ELP4: variants seen among roughly 807,000 people sequenced by gnomAD.
ELP4 encodes the protein elongator acetyltransferase complex subunit 4, also known as elongator complex protein 4.
ELP4 carries 51 observed loss-of-function variants against 48.9 expected under a neutral mutation model. The ratio of observed to expected loss-of-function variants is 1.04; its 90% confidence interval spans 0.83 to 1.32. ELP4 has a LOEUF of 1.32. Ranked by LOEUF, ELP4 falls within the 40% of genes most tolerant of loss-of-function variation. The pLI is 0.00. For missense variants in ELP4, 519 were observed against 514.6 expected (o/e 1.01, Z -0.08); for synonymous variants, 210 against 189.2 (o/e 1.11, Z -0.90).
chr11:31,559,720 A>G (rs1956984212), intron 3 of ELP4, among the ~76,000 whole-genome samples: 2 of 152,128 alleles, frequency 1.3e-5, no homozygotes, highest in Admixed American at 6.5e-5. Context: ...CCTGACCAAC[A>G]TGGAGAAACC....
chr11:31,517,769 A>G (rs1490089486), intron 1 of ELP4, among the ~76,000 whole-genome samples: 1 of 151,946 alleles, frequency 6.6e-6, no homozygotes, highest in African/African-American at 2.4e-5. Flanking sequence ...GGCGGCAGCC[A>G]CCGCGCCCAG....
At chr11:31,636,399 A>G (rs1224829046) in intron 7 of ELP4, among the ~76,000 whole-genome samples, 1 of 151,954 alleles carries the variant, frequency 6.6e-6, no homozygotes, top group East Asian at 1.9e-4. Context: ...TATTAAAGGT[A>G]CTTTGTATAA....
chr11:31,671,098 T>C (rs1161315390), intron 9 of ELP4, among the ~76,000 whole-genome samples: 1 of 152,190 alleles, frequency 6.6e-6, no homozygotes, highest in Non-Finnish European at 1.5e-5. Context: ...ATAGTGCTTA[T>C]AATTAAAGAT....
intron 9 of ELP4, among the ~76,000 whole-genome samples, chr11:31,757,736 T>C (rs537538092): frequency 6.6e-6 from 1 of 152,278 alleles, no homozygotes; most frequent in East Asian, 1.9e-4. Flanking sequence ...CTGGGCCTGA[T>C]AGGACTCATT....
chr11:31,606,169 C>A (rs1272519544), intron 5 of ELP4, among the ~76,000 whole-genome samples: 3 of 151,960 alleles, frequency 2.0e-5, no homozygotes, highest in Admixed American at 6.6e-5. Flanking sequence ...ACTGATAATT[C>A]ATTTATTTCA....
intron 9 of ELP4, among the ~76,000 whole-genome samples, chr11:31,682,562 C>A (rs1946075842): frequency 6.6e-6 from 1 of 152,124 alleles, no homozygotes; most frequent in Non-Finnish European, 1.5e-5. Context: ...TCAGTTCCCT[C>A]ATTTTTGTAC....
At chr11:31,594,575 G>C (rs927082964) in intron 3 of ELP4, among the ~76,000 whole-genome samples, 195 bp from the exon 4 acceptor site, 1 of 152,036 alleles carries the variant, frequency 6.6e-6, no homozygotes, top group Non-Finnish European at 1.5e-5. Flanking sequence ...TTGCTAAAAA[G>C]TTAAACTTAA....
chr11:31,552,646 C>T (rs1429506170), intron 3 of ELP4, among the ~76,000 whole-genome samples: 1 of 152,078 alleles, frequency 6.6e-6, no homozygotes, highest in Non-Finnish European at 1.5e-5. Flanking sequence ...CTACTTTGAA[C>T]ATAAATTGTT....
At chr11:31,689,415 TC>T (rs2134135841) in intron 9 of ELP4, 1 of 139,844 alleles carries the variant, frequency 7.2e-6, no homozygotes, top group Non-Finnish European at 1.5e-5. Flanking sequence ...CTGCACTTCA[TC>T]CTGGGCCACA....
intron 9 of ELP4, among the ~76,000 whole-genome samples, chr11:31,690,458 G>A (rs534064450): frequency 6.6e-6 from 1 of 151,796 alleles, no homozygotes; most frequent in South Asian, 2.1e-4. Flanking sequence ...CTGCAATATT[G>A]TGATGGATTA....
rs3026401 is a variant in ELP4, at chr11:31,785,976, C to T, written c.*2452C>T. ...ATGAACTTCAAAACCCTATATGGTA[C>T]TCATTTCTTACACTAGATTTGCCTT... is the stretch of plus-strand genomic sequence containing the variant. On this transcript the variant is annotated 3_prime_UTR_variant, in exon 10 of 10. Coordinates refer to ENST00000640961, the MANE Select transcript of ELP4 (RefSeq NM_019040.5). 0.71 allele frequency: 142,117 copies of T among 200,448 alleles called. 51,413 individuals are homozygous for T. Among genetic ancestry groups the T allele is most frequent in the Non-Finnish European group, 0.79 (76,885 of 97,270 alleles). The allele number at this position is 200,448 out of a possible 1,614,324, so 12.4% of individuals were successfully genotyped here.
At chr11:31,691,654 G>C (rs1946284351) in intron 9 of ELP4, among the ~76,000 whole-genome samples, 1 of 152,044 alleles carries the variant, frequency 6.6e-6, no homozygotes, top group Admixed American at 6.6e-5. Flanking sequence ...TTACCAAATA[G>C]AATGGTACAT....
At chr11:31,671,006 G>A (rs1265006012) in intron 9 of ELP4, among the ~76,000 whole-genome samples, 2 of 151,906 alleles carry the variant, frequency 1.3e-5, no homozygotes, top group Non-Finnish European at 2.9e-5. Flanking sequence ...GTGTAATGCT[G>A]TAATAACATC....
At chr11:31,746,303 G>C (rs1947589140) in intron 9 of ELP4, among the ~76,000 whole-genome samples, 1 of 152,178 alleles carries the variant, frequency 6.6e-6, no homozygotes, top group East Asian at 1.9e-4. Flanking sequence ...CTGTAAACTA[G>C]TTCAACCATT....
chr11:31,732,962 C>T (rs1440346483), intron 9 of ELP4, among the ~76,000 whole-genome samples: 1 of 152,034 alleles, frequency 6.6e-6, no homozygotes, highest in African/African-American at 2.4e-5. Flanking sequence ...TGCAGCAAGA[C>T]AATAATAGTA....
chr11:31,722,003 G>A (rs1414554450), intron 9 of ELP4, among the ~76,000 whole-genome samples: 1 of 152,074 alleles, frequency 6.6e-6, no homozygotes, highest in Non-Finnish European at 1.5e-5. Context: ...CTAATACACA[G>A]CCCTGTGGCC....
chr11:31,515,772 C>G (rs1032824713), intron 1 of ELP4, among the ~76,000 whole-genome samples: 1 of 152,110 alleles, frequency 6.6e-6, no homozygotes, highest in Non-Finnish European at 1.5e-5. Context: ...AATTGGAAAA[C>G]TGTTATGTGA....
intron 3 of ELP4, among the ~76,000 whole-genome samples, chr11:31,544,193 G>A (rs1306182660): frequency 6.6e-6 from 1 of 152,248 alleles, no homozygotes; most frequent in Non-Finnish European, 1.5e-5. Context: ...GAAGCAGGGC[G>A]AGGCATTGCC....
intron 9 of ELP4, chr11:31,763,344 C>G (rs1267584024): frequency 7.1e-7 from 1 of 1,415,886 alleles, no homozygotes; most frequent in Non-Finnish European, 9.5e-7. Context: ...TTTTCCCCCT[C>G]TAATCCTTCT....
Sources: gnomAD v4.1 joint callset for allele counts (sites outside exome capture counted in the v4.1 genomes callset) on GRCh38, gnomAD v4.1.1 for gene constraint, MANE v1.5 for transcripts, NCBI Gene and HGNC (gene_info 2026-07-23, HGNC 2026-07-21) for gene names.